TMEM120B: variants seen among roughly 807,000 people sequenced by gnomAD.
TMEM120B encodes the protein transmembrane protein 120B.
TMEM120B carries 31 observed loss-of-function variants against 55.5 expected under a neutral mutation model. That is an observed-to-expected ratio of 0.56 (90% CI 0.42 to 0.75). TMEM120B has a LOEUF of 0.75. Ranked by LOEUF, TMEM120B falls within the 30% of genes least tolerant of loss-of-function variation. TMEM120B has a pLI of 0.00. For synonymous variants in TMEM120B, 203 were observed against 176.3 expected (o/e 1.15, Z -1.20); for missense variants, 399 against 425.5 (o/e 0.94, Z 0.55).
At chr12:121,717,534 C>G (rs1026807536) in intron 1 of TMEM120B, among the ~76,000 whole-genome samples, 4 of 152,194 alleles carry the variant, frequency 2.6e-5, no homozygotes, top group African/African-American at 7.2e-5. Context: ...GTGCAGGAGC[C>G]AGGATTCGAA....
chr12:121,730,763 G>T (rs1894985993), intron 1 of TMEM120B, among the ~76,000 whole-genome samples: 1 of 151,322 alleles, frequency 6.6e-6, no homozygotes, highest in Admixed American at 6.6e-5. Context: ...TTCGAGACCA[G>T]CCTGACCAAC....
intron 1 of TMEM120B, among the ~76,000 whole-genome samples, chr12:121,724,258 A>G (rs1323048282): frequency 6.6e-6 from 1 of 151,770 alleles, no homozygotes; most frequent in Non-Finnish European, 1.5e-5. Context: ...ACTGGTCTTG[A>G]ACTCCTGACT....
chr12:121,739,854 C>A (rs1276399717), intron 1 of TMEM120B, among the ~76,000 whole-genome samples: 1 of 140,130 alleles, frequency 7.1e-6, no homozygotes, highest in Non-Finnish European at 1.5e-5. Flanking sequence ...TCTCAGCTCA[C>A]TGCAATCTCC....
rs184558788 is a variant in TMEM120B, at chr12:121,729,161, T to C, written c.70-14468T>C. On this transcript the variant is annotated intron_variant, in intron 1 of 11. Transcript: ENST00000449592. ...AACCAGAAGGGGAATGGCTGCCTGA[T>C]TGGCAAAAACAGCAGAAAGCCTCCA... 2.5e-3 allele frequency among the ~76,000 whole-genome samples: 380 copies of C among 152,322 alleles called. 1 individual carries two copies. Among genetic ancestry groups the C allele is most frequent in the African/African-American group, 8.6e-3 (359 of 41,580 alleles).
rs1488907598 is a variant in TMEM120B at position 121,775,230 on chromosome 12, A to C, written c.906+100A>C. On this transcript the variant is annotated intron_variant, in intron 11 of 11. Transcript: ENST00000449592. This position sits in a 1 kb window ranked among gnomAD's most constrained non-coding sequence, Gnocchi z 4.3. ...CATGCTGGGGTGCGGATTCCTGGGG[A>C]GGGCTGGGATGGCAGATGTGGGGGT... is the stretch of plus-strand genomic sequence containing the variant. 12 of 675,518 alleles carry C rather than the reference A, an allele frequency of 1.8e-5. No individual in the cohort carries two copies. The highest frequency in any genetic ancestry group is 4.6e-5 in the Admixed American group (1 of 21,874). The allele number at this position is 675,518 out of a possible 1,614,324, so 41.8% of individuals were successfully genotyped here.
rs1873170886 is a variant in TMEM120B, at chr12:121,748,419, G to A, written c.282G>A (p.Glu94=). 1.2e-6 allele frequency: 2 copies of A among 1,609,770 alleles called. No homozygotes were observed. The highest frequency in any genetic ancestry group is 2.2e-5 in the East Asian group (1 of 44,784). The change falls in exon 3 of 12, where the codon GAG becomes GAA. Residue 94 remains glutamate (E), a synonymous_variant. Transcript: ENST00000449592. The part of the protein sequence containing the change: ...KERQDVFFDM[E]AYLPKKNGLY... Reference sequence around the variant, plus strand: ...GGCAGGACGTCTTCTTCGACATGGAGGCCTACCTGCCCAAGAAGAACGGGT... The same window carrying A: ...GGCAGGACGTCTTCTTCGACATGGAAGCCTACCTGCCCAAGAAGAACGGGT...
chr12:121,762,944 G>C lies in TMEM120B; in HGVS notation c.551+1206G>C, dbSNP rs1201213552. ...TGGGTGTGTCACAGTGGTGCTGAGT[G>C]AGTCCAGGCAAGACTGGGGGTTCCC... On this transcript the variant is annotated intron_variant, in intron 6 of 11. Transcript: ENST00000449592. 4.6e-5 allele frequency among the ~76,000 whole-genome samples: 7 copies of C among 152,212 alleles called. 1 individual carries two copies. The highest frequency in any genetic ancestry group is 4.6e-4 in the Admixed American group (7 of 15,278).
chr12:121,759,122 G>GTTTTTT (rs367619585), intron 5 of TMEM120B: 36 of 662,664 alleles, frequency 5.4e-5, no homozygotes, highest in Middle Eastern at 7.8e-4. Context: ...AGTGTCTACT[G>GTTTTTT]TTTTTTTTTT....
At chr12:121,713,664 G>A (rs903949207) in intron 1 of TMEM120B, among the ~76,000 whole-genome samples, 8 of 152,152 alleles carry the variant, frequency 5.3e-5, no homozygotes, top group African/African-American at 1.9e-4. Context: ...GGTCCCCTGA[G>A]AGAATGGCAT....
chr12:121,759,422 A>T (rs1873596341), intron 5 of TMEM120B, among the ~76,000 whole-genome samples: 1 of 152,074 alleles, frequency 6.6e-6, no homozygotes, highest in African/African-American at 2.4e-5. Flanking sequence ...TCACGCTTGT[A>T]GTCCCAACAC....
chr12:121,722,404 T>C (rs1894811625), intron 1 of TMEM120B, among the ~76,000 whole-genome samples: 1 of 152,220 alleles, frequency 6.6e-6, no homozygotes, highest in Non-Finnish European at 1.5e-5. Context: ...GCCTCCATTC[T>C]ACATTTTTAT....
Position 121,775,061 on chromosome 12 carries a change from G to C in TMEM120B, c.838-1G>C, listed in dbSNP as rs1874190052. ...TGAGCAGCGCCTGCCTTCCTCTCCA[G>C]TTCTGGCAGCTCTACAATGCCGTCA... On this transcript the variant is annotated splice_acceptor_variant, in intron 10 of 11. Coordinates refer to ENST00000449592, the MANE Select transcript of TMEM120B (RefSeq NM_001080825.2). LOFTEE classifies it high-confidence loss of function. This position sits in a 1 kb window ranked among gnomAD's most constrained non-coding sequence, Gnocchi z 4.3. The C allele has an allele frequency of 6.2e-7, 1 of 1,611,946 alleles. No homozygotes were observed. Among genetic ancestry groups the C allele is most frequent in the Non-Finnish European group, 8.5e-7 (1 of 1,179,614 alleles).
intron 1 of TMEM120B, among the ~76,000 whole-genome samples, chr12:121,713,405 T>C (rs1330888082): frequency 1.3e-5 from 2 of 152,186 alleles, no homozygotes; most frequent in Non-Finnish European, 2.9e-5. Context: ...AGCACTATCC[T>C]GCAGCTCTGT....
At chr12:121,734,208 T>C (rs1213669100) in intron 1 of TMEM120B, among the ~76,000 whole-genome samples, 1 of 151,068 alleles carries the variant, frequency 6.6e-6, no homozygotes, top group Non-Finnish European at 1.5e-5. Context: ...AAAACTTGAG[T>C]GGCGAGGGGT....
intron 1 of TMEM120B, among the ~76,000 whole-genome samples, chr12:121,717,417 C>T (rs765353358): frequency 7.2e-5 from 11 of 152,064 alleles, no homozygotes; most frequent in East Asian, 1.9e-4. Context: ...GAGACAGGCT[C>T]GAAGCAAGAA....
intron 4 of TMEM120B, among the ~76,000 whole-genome samples, chr12:121,750,942 A>C (rs1592938404): frequency 6.5e-5 from 1 of 15,438 alleles, no homozygotes; most frequent in Non-Finnish European, 1.2e-4. Context: ...CCCACACCCC[A>C]CACTAACACC....
intron 5 of TMEM120B, among the ~76,000 whole-genome samples, chr12:121,760,054 C>T (rs1348081167): frequency 6.6e-6 from 1 of 151,042 alleles, no homozygotes; most frequent in Non-Finnish European, 1.5e-5. Flanking sequence ...TCACTTGAAC[C>T]CAGGAGGCGG....
At chr12:121,716,565 CT>C (rs56037685) in intron 1 of TMEM120B, among the ~76,000 whole-genome samples, 24 of 124,786 alleles carry the variant, frequency 1.9e-4, no homozygotes, top group South Asian at 2.5e-4. Context: ...TTTTTTCTTT[CT>C]TTTTTTTTTT....
chr12:121,739,697 C>T (rs1465666374), intron 1 of TMEM120B, among the ~76,000 whole-genome samples: 1 of 151,660 alleles, frequency 6.6e-6, no homozygotes, highest in Admixed American at 6.6e-5. Flanking sequence ...GTCTTGAACT[C>T]CTGGCCTCAA....
Sources: gnomAD v4.1 joint callset for allele counts (sites outside exome capture counted in the v4.1 genomes callset) on GRCh38, gnomAD v4.1.1 for gene constraint, Gnocchi (gnomAD v3.1) non-coding constraint, MANE v1.5 for transcripts, NCBI Gene and HGNC (gene_info 2026-07-23, HGNC 2026-07-21) for gene names.